The following ARHGEF7 variants were observed in gnomAD, a reference collection of about 807,000 sequenced individuals.
ARHGEF7 encodes Rho guanine nucleotide exchange factor 7, also known as PAK-interacting exchange factor beta.
In ARHGEF7, 33 loss-of-function variants were observed where a neutral mutation model predicts 109.8. The observed-to-expected ratio is 0.30, with a 90% CI of 0.23 to 0.40. The LOEUF is 0.40. ARHGEF7 is among the 10% of genes least tolerant of loss of function. The pLI is 1.00. For missense variants in ARHGEF7, 938 were observed against 1,098.5 expected, an observed-to-expected ratio of 0.85 and a Z score of 2.07; for synonymous variants, 458 against 424.6, an observed-to-expected ratio of 1.08 and a Z score of -0.97.
chr13:111,261,237 C>G (rs2153575245), intron 8 of ARHGEF7, among the ~76,000 whole-genome samples: 1 of 151,868 alleles, frequency 6.6e-6, no homozygotes, highest in Admixed American at 6.6e-5. Flanking sequence ...ACCCAATGAT[C>G]TATAAAGACA....
At chr13:111,152,608 A>C (rs1334240162) in intron 1 of ARHGEF7, among the ~76,000 whole-genome samples, 2 of 152,264 alleles carry the variant, frequency 1.3e-5, no homozygotes, top group Non-Finnish European at 2.9e-5. Flanking sequence ...AAATGAAACC[A>C]CAGTATTCCT....
intron 8 of ARHGEF7, among the ~76,000 whole-genome samples, chr13:111,248,033 G>A (rs1450655422): frequency 6.6e-6 from 1 of 152,144 alleles, no homozygotes; most frequent in African/African-American, 2.4e-5. Context: ...TCTATCTGGT[G>A]TCATTTTTCT....
At chr13:111,290,881 C>G (rs188034795) in intron 18 of ARHGEF7, among the ~76,000 whole-genome samples, 98 of 152,296 alleles carry the variant, frequency 6.4e-4, no homozygotes, top group African/African-American at 2.3e-3. Context: ...TATACTTACT[C>G]AAGGTGTCTG....
rs201853337 is a variant in ARHGEF7 at position 111,267,674 on chromosome 13, C to T, written c.1073+4C>T. The T allele has an allele frequency of 4.3e-4, 688 of 1,613,264 alleles. No homozygotes were observed. In the African/African-American group the frequency reaches 5.4e-3, roughly 13 times the overall value. The stretch of plus-strand genomic sequence containing the variant: ...TGAATGTCCTCACGGAACACAGGTG[C>T]GCTTGCTAGGCACCTTGGCAACAGG... On this transcript the variant is annotated splice_donor_region_variant and intron_variant, in intron 9 of 21. Transcript: ENST00000646102.
chr13:111,199,226 T>C (rs967256206), intron 2 of ARHGEF7, among the ~76,000 whole-genome samples: 3 of 152,150 alleles, frequency 2.0e-5, no homozygotes, highest in South Asian at 2.1e-4. Flanking sequence ...GGGGAGTGAA[T>C]GAAAGCAGCC....
At chr13:111,274,039 G>A (rs2092337210) in intron 10 of ARHGEF7, 87 bp downstream of exon 10, 1 of 1,477,760 alleles carries the variant, frequency 6.8e-7, no homozygotes, top group African/African-American at 1.4e-5. Context: ...TATTATTCAT[G>A]ATTTATTTTA....
chr13:111,172,896 G>T (rs2077735541), intron 2 of ARHGEF7, among the ~76,000 whole-genome samples: 1 of 152,178 alleles, frequency 6.6e-6, no homozygotes, highest in Non-Finnish European at 1.5e-5. Flanking sequence ...CCCGATTATA[G>T]TAGCTATGTG....
chr13:111,188,513 TC>T (rs1280793516), intron 2 of ARHGEF7, among the ~76,000 whole-genome samples: 1 of 152,144 alleles, frequency 6.6e-6, no homozygotes, highest in African/African-American at 2.4e-5. Context: ...CGGTGCTGGA[TC>T]CCCCAGAGGA....
chr13:111,215,203 G>A (rs571751022), intron 4 of ARHGEF7, among the ~76,000 whole-genome samples: 1 of 152,250 alleles, frequency 6.6e-6, no homozygotes, highest in South Asian at 2.1e-4. Flanking sequence ...TAGCATCCAT[G>A]ACTTCTGAGT....
intron 1 of ARHGEF7, among the ~76,000 whole-genome samples, chr13:111,133,793 AT>A (rs1566606820): frequency 0.06 from 6,198 of 104,086 alleles, 689 homozygotes; most frequent in Admixed American, 0.14. Context: ...ATATATATAT[AT>A]ATATATATAT....
At chr13:111,141,980 C>T (rs2075370204) in intron 1 of ARHGEF7, among the ~76,000 whole-genome samples, 1 of 152,176 alleles carries the variant, frequency 6.6e-6, no homozygotes. Context: ...CACATTCTTG[C>T]CAGCATTTGG....
chr13:111,143,871 G>A (rs1314332345), intron 1 of ARHGEF7: 1 of 152,214 alleles, frequency 6.6e-6, no homozygotes, highest in Non-Finnish European at 1.5e-5. Context: ...CAACTGCTAC[G>A]TTTTCATCTA....
chr13:111,232,327 A>G (rs9588385), intron 5 of ARHGEF7, among the ~76,000 whole-genome samples: 20,401 of 152,046 alleles, frequency 0.13, 1,389 homozygotes, highest in South Asian at 0.22. Flanking sequence ...TAGAACTGAT[A>G]ATAGACACAC....
At chr13:111,289,469 T>A (rs1244021042) in intron 18 of ARHGEF7, among the ~76,000 whole-genome samples, 1 of 152,224 alleles carries the variant, frequency 6.6e-6, no homozygotes, top group South Asian at 2.1e-4. Context: ...TGTGGGCACG[T>A]GCTGCTGGGG....
At chr13:111,147,475 C>T (rs957966623) in intron 1 of ARHGEF7, among the ~76,000 whole-genome samples, 7 of 152,164 alleles carry the variant, frequency 4.6e-5, no homozygotes, top group Non-Finnish European at 1.0e-4. Flanking sequence ...ACTGACCATT[C>T]GTTTGTATAG....
rs550286486 is a variant in ARHGEF7 at position 111,178,172 on chromosome 13, GTCC to G, written c.252+24187_252+24189del. ...CCAGCTGATCTTGTAGGGATGGGAA[GTCC>G]TCCTCTCTCTTTTTCTTGACAGGCG... On this transcript the variant is annotated intron_variant, in intron 2 of 21. Coordinates refer to ENST00000646102, the MANE Select transcript of ARHGEF7 (RefSeq NM_001354046.2). 2.0e-4 allele frequency among the ~76,000 whole-genome samples: 31 copies of G among 152,254 alleles called. 1 individual carries two copies. The South Asian group carries it at 6.0e-3, about 30-fold the overall frequency.
intron 15 of ARHGEF7, among the ~76,000 whole-genome samples, chr13:111,282,099 C>T (rs1158396881): frequency 6.6e-6 from 1 of 152,206 alleles, no homozygotes; most frequent in East Asian, 1.9e-4. Context: ...ATAGCATGAC[C>T]TGCATCTCAC....
At chr13:111,129,594 A>G (rs1029722612) in intron 1 of ARHGEF7, among the ~76,000 whole-genome samples, 10 of 152,260 alleles carry the variant, frequency 6.6e-5, no homozygotes, top group African/African-American at 2.2e-4. Flanking sequence ...AAATATGTAC[A>G]GATGGCAAAT....
intron 2 of ARHGEF7, among the ~76,000 whole-genome samples, chr13:111,171,124 C>G (rs1040718658): frequency 6.6e-6 from 1 of 152,170 alleles, no homozygotes; most frequent in African/African-American, 2.4e-5. Flanking sequence ...TTACTTTAAG[C>G]TTAAGCTCAC....
Sources: allele counts gnomAD v4.1 joint callset (sites outside exome capture counted in the v4.1 genomes callset), GRCh38; gene constraint gnomAD v4.1.1; transcripts MANE v1.5; gene names NCBI Gene and HGNC (gene_info 2026-07-23, HGNC 2026-07-21).